The following HPSE2 variants were observed in gnomAD, a reference collection of about 807,000 sequenced individuals.
HPSE2 encodes the protein inactive heparanase-2.
In HPSE2, 38 loss-of-function variants were observed where a neutral mutation model predicts 60.5. That is an observed-to-expected ratio of 0.63 (90% CI 0.48 to 0.82). The LOEUF is 0.82. Among genes scored for constraint, HPSE2 ranks in the 40% least tolerant of loss-of-function variants. The probability of loss-of-function intolerance (pLI) is 0.00; values close to 1 mark genes in which losing one functional copy is unlikely to be tolerated. For synonymous variants in HPSE2, 295 were observed against 293.2 expected, an observed-to-expected ratio of 1.01 and a Z score of -0.06; for missense variants, 713 against 740.4, an observed-to-expected ratio of 0.96 and a Z score of 0.43.
At chr10:98,481,140 C>T (rs997082431) in intron 11 of HPSE2, among the ~76,000 whole-genome samples, 1 of 152,184 alleles carries the variant, frequency 6.6e-6, no homozygotes, top group African/African-American at 2.4e-5. Flanking sequence ...AGGACCCTAA[C>T]CAGAGGACCC....
At chr10:98,475,993 A>G (rs1432372633) in intron 11 of HPSE2, among the ~76,000 whole-genome samples, 1 of 151,952 alleles carries the variant, frequency 6.6e-6, no homozygotes, top group Non-Finnish European at 1.5e-5. Flanking sequence ...AAAGGACTAT[A>G]AATCATGCTG....
chr10:98,714,955 C>G (rs1017879318), intron 5 of HPSE2, among the ~76,000 whole-genome samples: 1 of 151,816 alleles, frequency 6.6e-6, no homozygotes, highest in East Asian at 1.9e-4. Flanking sequence ...TATCTATTCA[C>G]GTGCTTATTG....
At chr10:98,763,050 T>A (rs1314439622) in intron 3 of HPSE2, among the ~76,000 whole-genome samples, 2 of 151,966 alleles carry the variant, frequency 1.3e-5, no homozygotes, top group Non-Finnish European at 2.9e-5. Flanking sequence ...TATATAATAT[T>A]TGAAATAAAA....
intron 3 of HPSE2, among the ~76,000 whole-genome samples, chr10:98,762,407 C>T (rs570160014): frequency 2.6e-5 from 4 of 151,922 alleles, no homozygotes; most frequent in African/African-American, 4.8e-5. Context: ...AGAAAATGTT[C>T]GGGGCTGGAG....
chr10:98,623,457 TG>T (rs1946125144), intron 7 of HPSE2, among the ~76,000 whole-genome samples: 1 of 152,204 alleles, frequency 6.6e-6, no homozygotes, highest in Non-Finnish European at 1.5e-5. Context: ...TAAAAACCAC[TG>T]AATTTCATAC....
intron 9 of HPSE2, among the ~76,000 whole-genome samples, chr10:98,552,898 C>G (rs1230344071): frequency 6.6e-6 from 1 of 152,124 alleles, no homozygotes; most frequent in Non-Finnish European, 1.5e-5. Context: ...CGTCCATCAG[C>G]TACTACACTG....
At chr10:99,039,018 AT>A (rs984400243) in intron 3 of HPSE2, among the ~76,000 whole-genome samples, 1 of 151,344 alleles carries the variant, frequency 6.6e-6, no homozygotes, top group African/African-American at 2.4e-5. Context: ...GCAACAATAC[AT>A]TTTTTTTTAA....
At chr10:98,927,367 G>A (rs1164270509) in intron 3 of HPSE2, among the ~76,000 whole-genome samples, 1 of 151,904 alleles carries the variant, frequency 6.6e-6, no homozygotes, top group Non-Finnish European at 1.5e-5. Context: ...AACATTCCAT[G>A]CTCATGGGTA....
At chr10:99,213,975 C>T (rs981506622) in intron 2 of HPSE2, among the ~76,000 whole-genome samples, 3 of 151,990 alleles carry the variant, frequency 2.0e-5, no homozygotes, top group African/African-American at 7.3e-5. Context: ...GGACTTATAT[C>T]TAGAATATAT....
intron 3 of HPSE2, among the ~76,000 whole-genome samples, chr10:98,987,105 T>A (rs1321068485): frequency 6.6e-6 from 1 of 151,486 alleles, no homozygotes; most frequent in Non-Finnish European, 1.5e-5. Context: ...ACTATTCCGA[T>A]CAATAGAAAA....
intron 2 of HPSE2, among the ~76,000 whole-genome samples, chr10:99,202,429 T>A (rs1589815324): frequency 6.6e-6 from 1 of 152,310 alleles, no homozygotes; most frequent in East Asian, 1.9e-4. Flanking sequence ...AGTAACCATG[T>A]ATTGTTGAAG....
chr10:99,269,671 TAC>T, the HPSE2 span, among the ~76,000 whole-genome samples: 5 of 152,136 alleles, frequency 3.3e-5, no homozygotes, highest in Non-Finnish European at 7.4e-5. Flanking sequence ...AACTGCAGAA[TAC>T]ACATTCTTTT....
intron 3 of HPSE2, among the ~76,000 whole-genome samples, chr10:98,818,462 G>A (rs1252328): frequency 0.049 from 7,528 of 152,154 alleles, 586 homozygotes; most frequent in African/African-American, 0.17. Flanking sequence ...CAGAGCTCAG[G>A]TAGTCAGCAC....
intron 3 of HPSE2, among the ~76,000 whole-genome samples, chr10:99,129,991 C>G (rs928634621): frequency 1.3e-5 from 2 of 151,946 alleles, no homozygotes; most frequent in African/African-American, 2.4e-5. Flanking sequence ...TTCAAGGCTA[C>G]CAGGAACACC....
At chr10:98,614,868 T>C (rs752182928) in intron 9 of HPSE2, 36 bp downstream of exon 9, 1 of 1,363,208 alleles carries the variant, frequency 7.3e-7, no homozygotes, top group Non-Finnish European at 1.1e-6. Context: ...CTGAATGACA[T>C]GGAAAAGGGA....
At chr10:99,289,577 T>A in the HPSE2 span, among the ~76,000 whole-genome samples, 1 of 152,174 alleles carries the variant, frequency 6.6e-6, no homozygotes, top group Non-Finnish European at 1.5e-5. Flanking sequence ...AGGGGGAATA[T>A]CAGTGGAGTA....
At chr10:99,088,749 A>G (rs1843413579) in intron 3 of HPSE2, among the ~76,000 whole-genome samples, 1 of 152,110 alleles carries the variant, frequency 6.6e-6, no homozygotes, top group African/African-American at 2.4e-5. Flanking sequence ...CAAATGGTAG[A>G]TCTACTTTTA....
chr10:98,901,850 A>T (rs1008203716), intron 3 of HPSE2, among the ~76,000 whole-genome samples: 1 of 152,206 alleles, frequency 6.6e-6, no homozygotes, highest in Non-Finnish European at 1.5e-5. Context: ...TATGAGGATT[A>T]TAAGGATTAA....
chr10:99,056,883 T>C lies in HPSE2; in HGVS notation c.610+87355A>G, dbSNP rs544028863. Reference sequence around the variant, plus strand: ...TCATATATCAATTGTAGGATATTCATACAATGGAAAACAACCCAGAAATTT... The same window carrying C: ...TCATATATCAATTGTAGGATATTCACACAATGGAAAACAACCCAGAAATTT... On this transcript the variant is annotated intron_variant, in intron 3 of 11. Coordinates refer to ENST00000370552, the MANE Select transcript of HPSE2 (RefSeq NM_021828.5). 2.6e-5 allele frequency among the ~76,000 whole-genome samples: 4 copies of C among 152,294 alleles called. No individual in the cohort carries two copies. In the South Asian group the frequency reaches 8.3e-4, roughly 32 times the overall value.
Sources: gnomAD v4.1 joint callset for allele counts (sites outside exome capture counted in the v4.1 genomes callset) on GRCh38, gnomAD v4.1.1 for gene constraint, MANE v1.5 for transcripts, NCBI Gene and HGNC (gene_info 2026-07-23, HGNC 2026-07-21) for gene names.